SLC12A1: variants seen among roughly 807,000 people sequenced by gnomAD.
The protein encoded by SLC12A1 is Na-K-2Cl cotransporter.
In SLC12A1, 89 loss-of-function variants were observed where a neutral mutation model predicts 130.4. That is an observed-to-expected ratio of 0.68 (90% CI 0.58 to 0.81). SLC12A1 has a LOEUF of 0.81. Among genes scored for constraint, SLC12A1 ranks in the 40% least tolerant of loss-of-function variants. The probability of loss-of-function intolerance (pLI) is 0.00; values close to 1 mark genes in which losing one functional copy is unlikely to be tolerated. For missense variants in SLC12A1, 1,310 were observed against 1,336.4 expected (o/e 0.98, Z 0.31); for synonymous variants, 499 against 460.0 (o/e 1.08, Z -1.09).
intron 7 of SLC12A1, among the ~76,000 whole-genome samples, chr15:48,231,017 G>C (rs370606494): frequency 2.6e-5 from 4 of 152,188 alleles, no homozygotes; most frequent in East Asian, 3.8e-4. Context: ...ATTTCCGAAT[G>C]ATGGGAAACA....
At chr15:48,278,726 G>A (rs2041981367) in intron 20 of SLC12A1, among the ~76,000 whole-genome samples, 1 of 152,140 alleles carries the variant, frequency 6.6e-6, no homozygotes, top group African/African-American at 2.4e-5. Context: ...ATCTAAAAAT[G>A]AGAATGCAAA....
chr15:48,223,361 G>A (rs1461793602), intron 4 of SLC12A1: 1 of 152,130 alleles, frequency 6.6e-6, no homozygotes, highest in Non-Finnish European at 1.5e-5. Context: ...TGAAGCAGGT[G>A]GTTCAAGAAC....
intron 2 of SLC12A1, 76 bp downstream of exon 2, chr15:48,208,215 A>G (rs2141000036): frequency 1.5e-6 from 2 of 1,375,564 alleles, no homozygotes; most frequent in Admixed American, 2.3e-5. Flanking sequence ...TCATTACACT[A>G]TGAATGAATG....
Position 48,243,925 on chromosome 15 carries a change from T to C in SLC12A1, c.1301-828T>C, listed in dbSNP as rs1374987166. ...TATATACTTCACACGTATATTCATA[T>C]ATTTCAAAAATCCTATCAAATACAT... On this transcript the variant is annotated intron_variant, in intron 10 of 26. Transcript: ENST00000380993. Among the ~76,000 whole-genome samples, 3 of 152,248 alleles carry C rather than the reference T, an allele frequency of 2.0e-5. No individual in the cohort carries two copies. In the East Asian group the frequency reaches 5.8e-4, roughly 29 times the overall value.
intron 9 of SLC12A1, among the ~76,000 whole-genome samples, chr15:48,238,577 C>T (rs1002407632): frequency 2.6e-5 from 4 of 151,990 alleles, no homozygotes; most frequent in African/African-American, 9.7e-5. Flanking sequence ...GGTCACAAGC[C>T]GGAGGGGCCA....
At chr15:48,240,060 T>TCC (rs2041492704) in intron 9 of SLC12A1, among the ~76,000 whole-genome samples, 3 of 105,610 alleles carry the variant, frequency 2.8e-5, no homozygotes, top group African/African-American at 1.0e-4. Flanking sequence ...CATATATATA[T>TCC]ATATATATAT....
At chr15:48,283,629 G>A (rs1247882375) in intron 20 of SLC12A1, among the ~76,000 whole-genome samples, 2 of 152,334 alleles carry the variant, frequency 1.3e-5, no homozygotes, top group African/African-American at 2.4e-5. Context: ...GGATGTGACT[G>A]TCCTGACAGA....
intron 25 of SLC12A1, among the ~76,000 whole-genome samples, chr15:48,300,466 C>A (rs2042221636): frequency 1.3e-5 from 2 of 152,110 alleles, no homozygotes. Flanking sequence ...AGACCCTGAC[C>A]CCTGGGGCCC....
intron 18 of SLC12A1, among the ~76,000 whole-genome samples, chr15:48,269,209 A>G (rs1404023798): frequency 6.6e-6 from 1 of 152,212 alleles, no homozygotes; most frequent in African/African-American, 2.4e-5. Flanking sequence ...ACTCTTCAAT[A>G]AATAACATAA....
intron 24 of SLC12A1, among the ~76,000 whole-genome samples, chr15:48,295,902 G>A (rs1168550240): frequency 6.6e-6 from 1 of 152,188 alleles, no homozygotes; most frequent in African/African-American, 2.4e-5. Flanking sequence ...TAACCCTAAT[G>A]TAGAAGACAG....
intron 2 of SLC12A1, among the ~76,000 whole-genome samples, chr15:48,214,668 G>A (rs945416052): frequency 6.6e-6 from 1 of 152,124 alleles, no homozygotes; most frequent in East Asian, 1.9e-4. Context: ...TGGAAATATG[G>A]TTAGAATCAT....
At chr15:48,272,779 C>T (rs771809177) in intron 19 of SLC12A1, among the ~76,000 whole-genome samples, 1 of 151,994 alleles carries the variant, frequency 6.6e-6, no homozygotes, top group Admixed American at 6.6e-5. Context: ...TCAATGGCTG[C>T]CAATAACAAA....
intron 18 of SLC12A1, 116 bp from the exon 19 acceptor site, chr15:48,269,542 A>T (rs1313517051): frequency 1.7e-5 from 9 of 543,234 alleles, no homozygotes; most frequent in Non-Finnish European, 3.0e-5. Context: ...AATGTAATCT[A>T]ATCTTCAGGA....
intron 9 of SLC12A1, among the ~76,000 whole-genome samples, chr15:48,240,271 TCA>T (rs930032248): frequency 5.9e-5 from 9 of 151,910 alleles, no homozygotes; most frequent in Non-Finnish European, 1.5e-5. Flanking sequence ...GTAGGCCCCA[TCA>T]CAGTCATGAC....
At chr15:48,225,186 A>C (rs2041268350) in intron 4 of SLC12A1, 2 of 152,206 alleles carry the variant, frequency 1.3e-5, no homozygotes, top group Non-Finnish European at 2.9e-5. Context: ...GAGGTGACTT[A>C]TCATAATAAG....
intron 13 of SLC12A1, 25 bp from the exon 14 acceptor site, chr15:48,249,550 A>G: frequency 1.3e-6 from 2 of 1,563,670 alleles, no homozygotes; most frequent in East Asian, 2.2e-5. Context: ...TCATACGTAC[A>G]TGTTCAATTC....
At chr15:48,250,117 G>T (rs1434691327) in intron 14 of SLC12A1, among the ~76,000 whole-genome samples, 1 of 152,196 alleles carries the variant, frequency 6.6e-6, no homozygotes, top group Non-Finnish European at 1.5e-5. Flanking sequence ...AATGTAGACA[G>T]GCTGCATTGA....
intron 1 of SLC12A1, among the ~76,000 whole-genome samples, chr15:48,206,556 A>C (rs930889537): frequency 3.9e-5 from 6 of 152,316 alleles, no homozygotes; most frequent in Admixed American, 3.9e-4. Context: ...CATGAGAGAG[A>C]CAAGTTTTTA....
intron 4 of SLC12A1, chr15:48,222,865 G>T (rs2041233247): frequency 6.6e-6 from 1 of 152,202 alleles, no homozygotes; most frequent in South Asian, 2.1e-4. Context: ...GGAATCTGGA[G>T]CCAGGAGTAA....
Sources: gnomAD v4.1 joint callset for allele counts (sites outside exome capture counted in the v4.1 genomes callset) on GRCh38, gnomAD v4.1.1 for gene constraint, MANE v1.5 for transcripts, NCBI Gene and HGNC (gene_info 2026-07-23, HGNC 2026-07-21) for gene names.